SLC6A12: variants seen among roughly 807,000 people sequenced by gnomAD.
SLC6A12 encodes the protein solute carrier family 6 member 12, also known as sodium- and chloride-dependent betaine transporter.
SLC6A12 carries 50 observed loss-of-function variants against 73.3 expected under a neutral mutation model. The observed-to-expected ratio is 0.68, with a 90% CI of 0.54 to 0.86. The LOEUF (loss-of-function observed/expected upper bound fraction) is 0.86. Ranked by LOEUF, SLC6A12 falls within the 40% of genes least tolerant of loss-of-function variation. The pLI, the probability that SLC6A12 is intolerant of heterozygous loss-of-function variation, is 0.00. For synonymous variants in SLC6A12, 304 were observed against 309.2 expected (o/e 0.98, Z 0.18); for missense variants, 648 against 772.8 (o/e 0.84, Z 1.92).
intron 7 of SLC6A12, among the ~76,000 whole-genome samples, chr12:200,147 C>CT (rs1940139554): frequency 7.2e-6 from 1 of 139,544 alleles, no homozygotes; most frequent in Non-Finnish European, 1.5e-5. Flanking sequence ...GTCTGGCTGT[C>CT]GCCCAGGCTG....
chr12:206,396 C>T (rs1940645396), intron 3 of SLC6A12, among the ~76,000 whole-genome samples: 1 of 152,232 alleles, frequency 6.6e-6, no homozygotes, highest in African/African-American at 2.4e-5. Flanking sequence ...TGATCCAGGT[C>T]ATAGCATGAA....
chr12:207,629 A>T (rs1940715343), intron 3 of SLC6A12, among the ~76,000 whole-genome samples: 1 of 152,208 alleles, frequency 6.6e-6, no homozygotes, highest in East Asian at 1.9e-4. Flanking sequence ...TATAAACTTT[A>T]TTATCACTCT....
chr12:208,378 A>C (rs1452644621), intron 3 of SLC6A12, among the ~76,000 whole-genome samples: 2 of 152,230 alleles, frequency 1.3e-5, no homozygotes, highest in African/African-American at 4.8e-5. Flanking sequence ...TATAAGGTTT[A>C]AAACACATAG....
downstream of SLC6A12, among the ~76,000 whole-genome samples, chr12:187,363 T>G (rs1041209343): frequency 2.0e-5 from 3 of 151,924 alleles, no homozygotes; most frequent in Non-Finnish European, 4.4e-5. Flanking sequence ...GTTTTTTCCT[T>G]CTGGTAGGTT....
chr12:203,059 C>CTTTTTTTT (rs10582500), intron 4 of SLC6A12, among the ~76,000 whole-genome samples, 179 bp from the exon 5 acceptor site: 38 of 68,308 alleles, frequency 5.6e-4, no homozygotes, highest in African/African-American at 6.9e-4. Flanking sequence ...TTTTTCTTTT[C>CTTTTTTTT]TTTTTTTTTT....
chr12:205,761 T>C (rs1214625094), intron 3 of SLC6A12, among the ~76,000 whole-genome samples: 1 of 152,214 alleles, frequency 6.6e-6, no homozygotes, highest in African/African-American at 2.4e-5. Context: ...AAGTGAGAAG[T>C]AATCATGTAT....
intron 6 of SLC6A12, 54 bp downstream of exon 6, chr12:201,708 A>T: frequency 7.2e-7 from 1 of 1,397,638 alleles, no homozygotes; most frequent in Non-Finnish European, 1.0e-6. Flanking sequence ...AGACTTGCAC[A>T]GCTCAGACAT....
chr12:189,248 G>A (rs1327466627), downstream of SLC6A12, among the ~76,000 whole-genome samples: 2 of 152,108 alleles, frequency 1.3e-5, no homozygotes, highest in African/African-American at 4.8e-5. Context: ...CGGCGGGGAC[G>A]CGGCGCTACT....
intron 7 of SLC6A12, chr12:199,596 A>T (rs946481280): frequency 1.3e-5 from 2 of 152,246 alleles, no homozygotes; most frequent in Non-Finnish European, 2.9e-5. Context: ...TACTACGATG[A>T]TCACTTTCAT....
At chr12:185,690 C>T (rs1167171467), downstream of SLC6A12, among the ~76,000 whole-genome samples, 2 of 152,204 alleles carry the variant, frequency 1.3e-5, no homozygotes, top group African/African-American at 4.8e-5. Flanking sequence ...CACTCGCCTC[C>T]CGTTACTTCC....
chr12:193,834 A>C (rs1479930866), intron 13 of SLC6A12: 1 of 153,596 alleles, frequency 6.5e-6, no homozygotes, highest in African/African-American at 2.4e-5. Context: ...TGGGAACAGA[A>C]CGGTGGTCTA....
At chr12:189,311 C>G (rs1939503056), downstream of SLC6A12, among the ~76,000 whole-genome samples, 1 of 152,166 alleles carries the variant, frequency 6.6e-6, no homozygotes, top group African/African-American at 2.4e-5. Context: ...TCGCGTTTTT[C>G]GTTTTCCGCC....
chr12:208,741 G>C (rs1214991533), intron 3 of SLC6A12, among the ~76,000 whole-genome samples: 3 of 152,070 alleles, frequency 2.0e-5, no homozygotes, highest in Non-Finnish European at 4.4e-5. Flanking sequence ...ATTTCTTTCG[G>C]GGATGATGAA....
chr12:191,237 G>A lies in SLC6A12; in HGVS notation c.1702-26C>T, dbSNP rs769886795. 7.9e-6 allele frequency: 10 copies of A among 1,259,502 alleles called. No homozygotes were observed. The East Asian group carries it at 3.1e-4, about 39-fold the overall frequency. The allele number at this position is 1,259,502 out of a possible 1,614,324, so 78.0% of individuals were successfully genotyped here. On this transcript the variant is annotated intron_variant, in intron 15 of 15. Coordinates refer to ENST00000684302, the MANE Select transcript of SLC6A12 (RefSeq NM_001122848.3). ...CTGTGGAGAGAAGAGGCAGGGATTT[G>A]GAGCTGATGGTGAGGGAGGCGCAGA... is the stretch of plus-strand genomic sequence containing the variant.
At chr12:197,110 C>CATCTATCCATCT (rs1565468930) in intron 10 of SLC6A12, among the ~76,000 whole-genome samples, 36 of 47,510 alleles carry the variant, frequency 7.6e-4, no homozygotes, top group African/African-American at 2.5e-3. Flanking sequence ...TCCATCCATC[C>CATCTATCCATCT]ATCCATCCAT....
At chr12:195,083 G>A in intron 13 of SLC6A12, 142 bp downstream of exon 13, 2 of 663,096 alleles carry the variant, frequency 3.0e-6, no homozygotes, top group South Asian at 1.9e-5. Flanking sequence ...AAATTTCCCA[G>A]TAAGAAGAAG....
intron 6 of SLC6A12, chr12:201,225 T>TATCATTAAAAA: frequency 5.3e-6 from 1 of 190,104 alleles, no homozygotes; most frequent in South Asian, 1.2e-4. Context: ...CATTGGTGCC[T>TATCATTAAAAA]ACGTGGGGGT....
At position 198,818 on chromosome 12, in the gene SLC6A12, C is replaced by A. The variant is rs776011952; in HGVS notation, c.825G>T (p.Leu275Phe). The change falls in exon 8 of 16, where the codon TTG becomes TTT. Residue 275 changes from leucine to phenylalanine, a missense_variant. By Grantham distance (22) the Leu-to-Phe change is conservative (BLOSUM62 0). Coordinates refer to ENST00000684302, the MANE Select transcript of SLC6A12 (RefSeq NM_001122848.3). The surrounding 1 kb of genome is among the most constrained non-coding windows in gnomAD (Gnocchi z 4.0). ...QGIIYYLKPD[L>F]FRLKDPQVWM... ...ATACCTGAGGGTCCTTGAGGCGGAACAAATCTGGCTTCAAGTAGTAGATGA... is the reference window on the plus strand; with the variant it reads ...ATACCTGAGGGTCCTTGAGGCGGAAAAAATCTGGCTTCAAGTAGTAGATGA... 1.9e-6 allele frequency: 3 copies of A among 1,614,034 alleles called. No homozygotes were observed. Among genetic ancestry groups the A allele is most frequent in the Non-Finnish European group, 2.5e-6 (3 of 1,180,032 alleles).
At chr12:185,497 TGTTA>T (rs1939416074), downstream of SLC6A12, among the ~76,000 whole-genome samples, 1 of 152,132 alleles carries the variant, frequency 6.6e-6, no homozygotes, top group Non-Finnish European at 1.5e-5. Flanking sequence ...ACCCTCTGTG[TGTTA>T]GTGAGATGTG....
Sources: gnomAD v4.1 joint callset for allele counts (sites outside exome capture counted in the v4.1 genomes callset) on GRCh38, gnomAD v4.1.1 for gene constraint, Gnocchi (gnomAD v3.1) non-coding constraint, MANE v1.5 for transcripts, NCBI Gene and HGNC (gene_info 2026-07-23, HGNC 2026-07-21) for gene names.